DDAH1: variants seen among roughly 807,000 people sequenced by gnomAD.
DDAH1 encodes the protein N(G),N(G)-dimethylarginine dimethylaminohydrolase 1.
A neutral mutation model predicts 28.8 loss-of-function variants in DDAH1; 19 were observed. That is an observed-to-expected ratio of 0.66 (90% CI 0.46 to 0.97). The LOEUF (loss-of-function observed/expected upper bound fraction) is 0.97, where lower values mean the gene tolerates loss of function less well. Ranked by LOEUF, DDAH1 falls within the 50% of genes least tolerant of loss-of-function variation. DDAH1 has a pLI of 0.00. For synonymous variants in DDAH1, 153 were observed against 154.4 expected (o/e 0.99, Z 0.07); for missense variants, 326 against 375.9 (o/e 0.87, Z 1.10).
chr1:85,465,210 C>T, upstream of DDAH1: 2 of 1,124,074 alleles, frequency 1.8e-6, no homozygotes, highest in Non-Finnish European at 2.2e-6. Flanking sequence ...CGCGACTGAG[C>T]ATGCCCAGAG....
chr1:85,557,988 G>A (rs986567679), intron 1 of DDAH1, among the ~76,000 whole-genome samples: 2 of 152,046 alleles, frequency 1.3e-5, no homozygotes, highest in Admixed American at 6.5e-5. Flanking sequence ...CTGTTATGGC[G>A]GCCCTAGCAA....
intron 1 of DDAH1, among the ~76,000 whole-genome samples, chr1:85,446,129 A>G: frequency 6.6e-6 from 1 of 152,188 alleles, no homozygotes. Context: ...TTGTTGTATT[A>G]GTCTGCTTTC....
chr1:85,532,733 T>C (rs1658133339), intron 1 of DDAH1, among the ~76,000 whole-genome samples: 1 of 152,144 alleles, frequency 6.6e-6, no homozygotes, highest in Non-Finnish European at 1.5e-5. Context: ...AGATGCTAAC[T>C]CTGGGGTTCA....
chr1:85,371,294 C>T (rs751967743), intron 1 of DDAH1, among the ~76,000 whole-genome samples: 49 of 152,174 alleles, frequency 3.2e-4, no homozygotes, highest in Admixed American at 1.2e-3. Context: ...CTTGCTTGTA[C>T]ATTTTCTTGT....
At chr1:85,521,417 T>C (rs1293143019) in intron 1 of DDAH1, among the ~76,000 whole-genome samples, 3 of 151,712 alleles carry the variant, frequency 2.0e-5, no homozygotes, top group Non-Finnish European at 2.9e-5. Context: ...TGGCAGCTTC[T>C]AGATGCTGTC....
intron 1 of DDAH1, among the ~76,000 whole-genome samples, chr1:85,564,923 G>A (rs542078076): frequency 1.1e-4 from 16 of 151,748 alleles, no homozygotes; most frequent in African/African-American, 3.1e-4. Context: ...GTGGCCAGGC[G>A]CAGTGGCTCA....
Position 85,482,670 on chromosome 1 carries a change from C to T in DDAH1, c.-7+13496G>A, listed in dbSNP as rs1656050015. On this transcript the variant is annotated intron_variant, in intron 2 of 6. Transcript: ENST00000426972. ...ATATACATCAACCATTCTTTAATGC[C>T]CCTCACTAGGGTTTTGAGGGATGGA... The T allele has an allele frequency of 1.3e-5, 2 of 152,068 alleles. 1 individual carries two copies. Among genetic ancestry groups the T allele is most frequent in the African/African-American group, 4.8e-5 (2 of 41,384 alleles). The allele number at this position is 152,068 out of a possible 1,614,324, so 9.4% of individuals were successfully genotyped here.
intron 4 of DDAH1, among the ~76,000 whole-genome samples, chr1:85,334,523 G>T (rs747080605): frequency 1.3e-5 from 2 of 152,196 alleles, no homozygotes; most frequent in Non-Finnish European, 2.9e-5. Flanking sequence ...CATGGGGGCA[G>T]ATTTCCCCCT....
chr1:85,445,603 A>AT (rs1654396925), intron 1 of DDAH1, among the ~76,000 whole-genome samples: 1 of 152,074 alleles, frequency 6.6e-6, no homozygotes, highest in Non-Finnish European at 1.5e-5. Flanking sequence ...CATTGGATTA[A>AT]TTTACTTACC....
intron 1 of DDAH1, among the ~76,000 whole-genome samples, chr1:85,362,866 C>A (rs941210718): frequency 3.1e-4 from 47 of 152,220 alleles, no homozygotes; most frequent in African/African-American, 1.1e-3. Context: ...ATAAAAAATA[C>A]AATTTTCTGT....
intron 5 of DDAH1, among the ~76,000 whole-genome samples, chr1:85,324,532 CT>C (rs1647243265): frequency 6.6e-6 from 1 of 152,062 alleles, no homozygotes; most frequent in African/African-American, 2.4e-5. Flanking sequence ...GCATGATCAT[CT>C]CAATTACTAT....
intron 2 of DDAH1, among the ~76,000 whole-genome samples, chr1:85,481,803 G>A (rs904521570): frequency 7.9e-5 from 12 of 152,178 alleles, no homozygotes; most frequent in East Asian, 5.8e-4. Flanking sequence ...TTCCCACCAC[G>A]GGAACACCTT....
chr1:85,328,829 T>C (rs367613780), intron 4 of DDAH1, among the ~76,000 whole-genome samples: 7 of 152,304 alleles, frequency 4.6e-5, no homozygotes, highest in African/African-American at 1.4e-4. Flanking sequence ...TTCTAAGCAA[T>C]TGGGAAAACT....
chr1:85,531,155 T>C (rs1460777188), intron 1 of DDAH1, among the ~76,000 whole-genome samples: 2 of 152,218 alleles, frequency 1.3e-5, no homozygotes, highest in Non-Finnish European at 2.9e-5. Flanking sequence ...AGATAATGCC[T>C]ACTCTCACAG....
At chr1:85,375,838 G>A (rs1331513380) in intron 1 of DDAH1, among the ~76,000 whole-genome samples, 2 of 152,012 alleles carry the variant, frequency 1.3e-5, no homozygotes, top group South Asian at 2.1e-4. Flanking sequence ...AGGGAAACAC[G>A]TATTAAACCA....
intron 4 of DDAH1, among the ~76,000 whole-genome samples, chr1:85,337,093 G>A (rs1476969658): frequency 6.6e-6 from 1 of 152,150 alleles, no homozygotes; most frequent in Non-Finnish European, 1.5e-5. Flanking sequence ...ACAGAATGAA[G>A]GACAAAAACC....
chr1:85,461,194 G>A (rs575645386), intron 1 of DDAH1, among the ~76,000 whole-genome samples: 6 of 150,982 alleles, frequency 4.0e-5, no homozygotes, highest in Middle Eastern at 3.5e-3. Context: ...GGCCTCTAAC[G>A]GCTTATTTTT....
At chr1:85,545,580 C>T (rs1658595594) in intron 1 of DDAH1, among the ~76,000 whole-genome samples, 1 of 152,190 alleles carries the variant, frequency 6.6e-6, no homozygotes, top group African/African-American at 2.4e-5. Flanking sequence ...GGAAACAGCT[C>T]TGCATTTGGA....
intron 1 of DDAH1, among the ~76,000 whole-genome samples, chr1:85,416,852 G>A (rs543459810): frequency 1.1e-4 from 17 of 152,000 alleles, no homozygotes; most frequent in African/African-American, 4.1e-4. Flanking sequence ...TTTTTTTGTA[G>A]AGACGGGGTT....
Sources: gnomAD v4.1 joint callset for allele counts (sites outside exome capture counted in the v4.1 genomes callset) on GRCh38, gnomAD v4.1.1 for gene constraint, MANE v1.5 for transcripts, NCBI Gene and HGNC (gene_info 2026-07-23, HGNC 2026-07-21) for gene names.